Variants in EIF2B3 observed in about 807,000 individuals in gnomAD.
EIF2B3 encodes translation initiation factor eIF2B subunit gamma.
In EIF2B3, 20 loss-of-function variants were observed where a neutral mutation model predicts 54.1. The observed-to-expected ratio is 0.37, with a 90% CI of 0.26 to 0.54. The LOEUF (loss-of-function observed/expected upper bound fraction) is 0.54, where lower values mean the gene tolerates loss of function less well. Ranked by LOEUF, EIF2B3 falls within the 20% of genes least tolerant of loss-of-function variation. EIF2B3 has a pLI of 0.86. For synonymous variants in EIF2B3, 153 were observed against 188.1 expected (o/e 0.81, Z 1.52); for missense variants, 448 against 547.8 (o/e 0.82, Z 1.82).
At chr1:44,946,189 T>C (rs893463915) in intron 3 of EIF2B3, among the ~76,000 whole-genome samples, 2 of 152,124 alleles carry the variant, frequency 1.3e-5, no homozygotes, top group East Asian at 1.9e-4. Flanking sequence ...CTGTTCTTAG[T>C]GTGAAAAGAA....
At chr1:44,891,839 A>G (rs1422522397) in intron 6 of EIF2B3, among the ~76,000 whole-genome samples, 1 of 152,190 alleles carries the variant, frequency 6.6e-6, no homozygotes, top group Admixed American at 6.5e-5. Context: ...TATGCTAGGA[A>G]AATAATACAG....
At chr1:44,908,809 G>A (rs1240974007) in intron 5 of EIF2B3, among the ~76,000 whole-genome samples, 1 of 152,198 alleles carries the variant, frequency 6.6e-6, no homozygotes, top group Non-Finnish European at 1.5e-5. Context: ...CATAAATGAA[G>A]GGACTGGCCC....
At chr1:44,873,459 T>C (rs1655025123) in intron 10 of EIF2B3, among the ~76,000 whole-genome samples, 2 of 152,166 alleles carry the variant, frequency 1.3e-5, no homozygotes, top group Admixed American at 1.3e-4. Flanking sequence ...CCCATTTCCC[T>C]TTCCATCTTT....
At chr1:44,978,048 T>C (rs1016306946) in intron 3 of EIF2B3, among the ~76,000 whole-genome samples, 2 of 152,164 alleles carry the variant, frequency 1.3e-5, no homozygotes, top group African/African-American at 4.8e-5. Context: ...GAGTCTAGCC[T>C]GGCCAACATC....
At chr1:44,963,506 G>A (rs576152208) in intron 3 of EIF2B3, among the ~76,000 whole-genome samples, 2 of 152,094 alleles carry the variant, frequency 1.3e-5, no homozygotes, top group Non-Finnish European at 2.9e-5. Flanking sequence ...CTGGGCTCAA[G>A]CAATTCACCC....
At chr1:44,871,616 G>A (rs1320078792) in intron 10 of EIF2B3, among the ~76,000 whole-genome samples, 1 of 152,070 alleles carries the variant, frequency 6.6e-6, no homozygotes, top group Non-Finnish European at 1.5e-5. Context: ...AGGCCCTCAG[G>A]ATATAAAAGT....
At chr1:44,947,039 T>A (rs2148946068) in intron 3 of EIF2B3, among the ~76,000 whole-genome samples, 1 of 152,330 alleles carries the variant, frequency 6.6e-6, no homozygotes, top group Admixed American at 6.5e-5. Context: ...TGCCTTTGTT[T>A]CATGGACCCA....
At chr1:44,887,273 T>C (rs1318183450) in intron 6 of EIF2B3, among the ~76,000 whole-genome samples, 1 of 152,184 alleles carries the variant, frequency 6.6e-6, no homozygotes, top group East Asian at 1.9e-4. Context: ...TGGTTGTAAA[T>C]GGTAATACTG....
chr1:44,895,114 C>T (rs892534049), intron 6 of EIF2B3, among the ~76,000 whole-genome samples: 1 of 152,002 alleles, frequency 6.6e-6, no homozygotes, highest in Non-Finnish European at 1.5e-5. Flanking sequence ...AAGGTAGATG[C>T]GGGGAGGAAA....
At position 44,881,625 on chromosome 1, in the gene EIF2B3, C is replaced by T. The variant is rs1569605157; in HGVS notation, c.771G>A (p.Glu257=). ...CCAAGAACTGACCTAAGGACTTCAG[C>T]TCCTTTTTCTTTAGATCCTCCTCTT... The part of the protein sequence containing the change: ...EEKEEDLKKK[E]LKSLDIYSFI... Residue 257 remains glutamate, a synonymous_variant, in exon 7 of 12, where the codon GAG becomes GAA. Coordinates refer to ENST00000360403, the MANE Select transcript of EIF2B3 (RefSeq NM_020365.5). The surrounding 1 kb of genome is among the most constrained non-coding windows in gnomAD (Gnocchi z 4.0). 1 of 1,614,180 alleles carries T rather than the reference C, an allele frequency of 6.2e-7. No individual in the cohort carries two copies. The highest frequency in any genetic ancestry group is 1.1e-5 in the South Asian group (1 of 91,090).
chr1:44,897,288 A>C (rs1372139101), intron 6 of EIF2B3, 67 bp downstream of exon 6: 1 of 1,185,964 alleles, frequency 8.4e-7, no homozygotes, highest in Non-Finnish European at 1.2e-6. Flanking sequence ...GAAGGTTTAA[A>C]ATTTAAGGAA....
intron 5 of EIF2B3, among the ~76,000 whole-genome samples, chr1:44,903,324 C>T (rs932285828): frequency 5.3e-5 from 8 of 152,158 alleles, no homozygotes; most frequent in African/African-American, 1.7e-4. Context: ...CTTTAATTTT[C>T]CCCCAAAAGA....
intron 4 of EIF2B3, among the ~76,000 whole-genome samples, chr1:44,929,757 G>A (rs926017726): frequency 6.6e-6 from 1 of 152,160 alleles, no homozygotes; most frequent in Non-Finnish European, 1.5e-5. Flanking sequence ...TTGAATCACT[G>A]ATGTCCTGGG....
At chr1:44,963,620 T>G (rs576042133) in intron 3 of EIF2B3, among the ~76,000 whole-genome samples, 1 of 152,288 alleles carries the variant, frequency 6.6e-6, no homozygotes, top group East Asian at 1.9e-4. Flanking sequence ...AGAGCCTAAG[T>G]AGCTACAGGC....
intron 3 of EIF2B3, among the ~76,000 whole-genome samples, chr1:44,945,316 A>T (rs910339797): frequency 1.3e-5 from 2 of 151,880 alleles, no homozygotes; most frequent in African/African-American, 2.4e-5. Context: ...GCACTTTGGG[A>T]GGCCGAGGCG....
rs978097946 is a variant in EIF2B3 at position 44,934,062 on chromosome 1, C to T, written c.455-7323G>A. 5.4e-5 allele frequency among the ~76,000 whole-genome samples: 8 copies of T among 149,404 alleles called. No individual in the cohort carries two copies. The East Asian group carries it at 6.0e-4, about 11-fold the overall frequency. On this transcript the variant is annotated intron_variant, in intron 4 of 11. Transcript: ENST00000360403. ...ACTTGAATCCAGGAGGTGGAGGTTG[C>T]GGTGAGCCAAGATCGTGCCATTGCA...
intron 3 of EIF2B3, among the ~76,000 whole-genome samples, chr1:44,960,632 C>T (rs1367605644): frequency 2.0e-5 from 3 of 150,646 alleles, no homozygotes; most frequent in African/African-American, 4.9e-5. Context: ...AGCGAGACCC[C>T]GTCTCAAAAA....
intron 3 of EIF2B3, among the ~76,000 whole-genome samples, chr1:44,972,812 G>A (rs1010927067): frequency 2.0e-5 from 3 of 152,076 alleles, no homozygotes; most frequent in African/African-American, 7.2e-5. Flanking sequence ...GACTACAGGT[G>A]TGTGTCACCA....
At chr1:44,919,234 C>A (rs1643687728) in intron 5 of EIF2B3, among the ~76,000 whole-genome samples, 1 of 151,890 alleles carries the variant, frequency 6.6e-6, no homozygotes, top group South Asian at 2.1e-4. Flanking sequence ...CCTGTAATCC[C>A]AACTACTCGG....
Sources: gnomAD v4.1 joint callset for allele counts (sites outside exome capture counted in the v4.1 genomes callset) on GRCh38, gnomAD v4.1.1 for gene constraint, Gnocchi (gnomAD v3.1) non-coding constraint, MANE v1.5 for transcripts, NCBI Gene and HGNC (gene_info 2026-07-23, HGNC 2026-07-21) for gene names.